The following CHLSN variants were observed in gnomAD, a reference collection of about 807,000 sequenced individuals.
The protein encoded by CHLSN is cholesin, also known as protein cholesin.
chr7:1,072,745 G>A, the CHLSN span, among the ~76,000 whole-genome samples: 2 of 144,384 alleles, frequency 1.4e-5, no homozygotes, highest in East Asian at 4.2e-4. Flanking sequence ...GTGCAGTGGC[G>A]CAATCTCAGC....
chr7:1,124,866 C>T, the CHLSN span, among the ~76,000 whole-genome samples: 2 of 152,192 alleles, frequency 1.3e-5, no homozygotes, highest in Non-Finnish European at 2.9e-5. Flanking sequence ...TGACCCGCTG[C>T]GCGGGAGCCG....
chr7:1,016,974 A>G, the CHLSN span, among the ~76,000 whole-genome samples: 81 of 129,804 alleles, frequency 6.2e-4, 3 homozygotes, highest in African/African-American at 1.8e-3. Flanking sequence ...ACACGCCAGC[A>G]CACACCAGCG....
At chr7:1,094,056 T>C in the CHLSN span, among the ~76,000 whole-genome samples, 4 of 152,200 alleles carry the variant, frequency 2.6e-5, no homozygotes, top group African/African-American at 7.2e-5. Flanking sequence ...TTCCCATGAA[T>C]GTAGGAGGCA....
the CHLSN span, among the ~76,000 whole-genome samples, chr7:992,104 G>A: frequency 6.6e-6 from 1 of 152,142 alleles, no homozygotes; most frequent in Non-Finnish European, 1.5e-5. Context: ...CAGACACCCC[G>A]AACCCCATGG....
chr7:1,087,845 C>T, the CHLSN span, among the ~76,000 whole-genome samples: 2 of 152,172 alleles, frequency 1.3e-5, no homozygotes, highest in African/African-American at 2.4e-5. Context: ...AGGTTATTGC[C>T]TAAAAGATAC....
chr7:1,007,148 G>A, the CHLSN span, among the ~76,000 whole-genome samples: 6 of 152,176 alleles, frequency 3.9e-5, no homozygotes, highest in African/African-American at 1.4e-4. Context: ...GAGATGAGAG[G>A]AAACTCTCCA....
the CHLSN span, among the ~76,000 whole-genome samples, chr7:1,109,107 G>A: frequency 1.3e-5 from 2 of 151,952 alleles, no homozygotes; most frequent in African/African-American, 2.4e-5. Context: ...ATGTTGGCCA[G>A]ACTGGTCTCA....
At chr7:987,570 G>C in the CHLSN span, 10 of 1,473,548 alleles carry the variant, frequency 6.8e-6, no homozygotes, top group East Asian at 2.5e-5. Context: ...ATCTCCTCTG[G>C]GGTAGGCCTC....
chr7:1,028,469 G>A, the CHLSN span: 1 of 985,514 alleles, frequency 1.0e-6, no homozygotes, highest in Non-Finnish European at 1.2e-6. Context: ...GGGGGTGGGA[G>A]AGCCGGGGCG....
the CHLSN span, among the ~76,000 whole-genome samples, chr7:1,028,041 G>A: frequency 2.0e-5 from 3 of 151,972 alleles, no homozygotes; most frequent in African/African-American, 7.2e-5. Flanking sequence ...GCGCGGGACC[G>A]TCCAGGGCCT....
At chr7:1,125,281 G>A in the CHLSN span, among the ~76,000 whole-genome samples, 3 of 152,224 alleles carry the variant, frequency 2.0e-5, no homozygotes, top group African/African-American at 7.2e-5. Flanking sequence ...GCTGGAAGCC[G>A]CTTTGAAGGG....
At chr7:1,038,469 C>T in the CHLSN span, among the ~76,000 whole-genome samples, 2 of 89,162 alleles carry the variant, frequency 2.2e-5, no homozygotes, top group East Asian at 3.1e-4. Context: ...CCGCCCCGTC[C>T]GGGAGGGAGG....
the CHLSN span, among the ~76,000 whole-genome samples, chr7:1,012,371 G>A: frequency 1.3e-5 from 2 of 152,246 alleles, no homozygotes; most frequent in South Asian, 2.1e-4. Context: ...GGCCTGGGGT[G>A]GATGGCGAGG....
At chr7:1,004,082 C>G in the CHLSN span, among the ~76,000 whole-genome samples, 1 of 151,988 alleles carries the variant, frequency 6.6e-6, no homozygotes, top group African/African-American at 2.4e-5. Flanking sequence ...ACGCCAGCCC[C>G]ATGTGCAGTG....
chr7:1,001,187 C>T, the CHLSN span, among the ~76,000 whole-genome samples: 1 of 152,196 alleles, frequency 6.6e-6, no homozygotes, highest in Non-Finnish European at 1.5e-5. Flanking sequence ...TACGTGTTTC[C>T]AGGGCCAGGC....
chr7:1,124,195 A>G, the CHLSN span, among the ~76,000 whole-genome samples: 1 of 152,148 alleles, frequency 6.6e-6, no homozygotes. Context: ...AATTACTTGA[A>G]CCTAAACAAA....
chr7:986,983 C>T, the CHLSN span: 58 of 1,367,618 alleles, frequency 4.2e-5, no homozygotes, highest in Non-Finnish European at 5.4e-5. Context: ...GCCTCGGGGA[C>T]GCTGAGGGAT....
chr7:995,879 C>T, the CHLSN span, among the ~76,000 whole-genome samples: 21 of 152,308 alleles, frequency 1.4e-4, no homozygotes, highest in East Asian at 3.1e-3. Flanking sequence ...AGTTGGGGGA[C>T]GGGGCTGGAT....
chr7:1,073,637 C>G, the CHLSN span, among the ~76,000 whole-genome samples: 18 of 151,980 alleles, frequency 1.2e-4, no homozygotes, highest in African/African-American at 3.9e-4. Flanking sequence ...TTCAAAGCCG[C>G]CACTGCCGTG....
Sources: allele counts gnomAD v4.1 joint callset (sites outside exome capture counted in the v4.1 genomes callset), GRCh38; gene constraint gnomAD v4.1.1; transcripts MANE v1.5; gene names NCBI Gene and HGNC (gene_info 2026-07-23, HGNC 2026-07-21).